Variants in CHL1 observed in about 807,000 individuals in gnomAD.
CHL1 encodes cell adhesion molecule L1 like.
Under a neutral mutation model 141.9 loss-of-function variants are expected in CHL1, and 96 were observed. That is an observed-to-expected ratio of 0.68 (90% CI 0.57 to 0.80). CHL1 has a LOEUF of 0.80. Ranked by LOEUF, CHL1 falls within the 30% of genes least tolerant of loss-of-function variation. CHL1 has a pLI of 0.00. For synonymous variants in CHL1, 613 were observed against 502.2 expected, an observed-to-expected ratio of 1.22 and a Z score of -2.95; for missense variants, 1,820 against 1,457.2, an observed-to-expected ratio of 1.25 and a Z score of -4.05.
intron 5 of CHL1, among the ~76,000 whole-genome samples, chr3:333,124 A>ACTTTTTTTTTTTTT (rs1701575441): frequency 1.2e-5 from 1 of 83,314 alleles, no homozygotes; most frequent in Admixed American, 1.9e-4. Flanking sequence ...TAATTGCTCT[A>ACTTTTTTTTTTTTT]TTTTTTTTAT....
intron 1 of CHL1, among the ~76,000 whole-genome samples, chr3:204,588 G>GT (rs769247281): frequency 2.0e-5 from 3 of 152,136 alleles, no homozygotes; most frequent in African/African-American, 4.8e-5. Flanking sequence ...TGGAAGTTCG[G>GT]TTTTTTATTG....
intron 1 of CHL1, among the ~76,000 whole-genome samples, chr3:210,235 T>A (rs1439086026): frequency 6.6e-6 from 1 of 152,250 alleles, no homozygotes; most frequent in Non-Finnish European, 1.5e-5. Flanking sequence ...TTTTTCCACT[T>A]ACCTATCACT....
Position 328,257 on chromosome 3 carries a change from C to A in CHL1, c.288C>A (p.Asn96Lys). Residue 96 changes from asparagine to lysine, a missense_variant, in exon 5 of 28, where the codon AAC (asparagine) becomes AAA (lysine). Physicochemically the swap from Asn to Lys is moderately conservative, Grantham distance 94. Coordinates refer to ENST00000256509, the MANE Select transcript of CHL1 (RefSeq NM_006614.4). ...SNNSGTFRIP[N>K]EGHISHFQGK... ...ATTCAGGAACATTCAGGATCCCAAA[C>A]GAGGGGCACATATCTCACTTTCAAG... 1 of 1,612,760 alleles carries A rather than the reference C, an allele frequency of 6.2e-7. No homozygotes were observed. Among genetic ancestry groups the A allele is most frequent in the African/African-American group, 1.3e-5 (1 of 74,964 alleles).
At chr3:396,129 A>C (rs1354515357) in intron 24 of CHL1, among the ~76,000 whole-genome samples, 1 of 152,224 alleles carries the variant, frequency 6.6e-6, no homozygotes. Flanking sequence ...TAAAACTCAC[A>C]AAGTATTCCC....
At chr3:368,346 C>T (rs765765086) in intron 15 of CHL1, among the ~76,000 whole-genome samples, 22 of 152,084 alleles carry the variant, frequency 1.4e-4, no homozygotes, top group Admixed American at 3.3e-4. Flanking sequence ...CTCTGATGAT[C>T]GGTCATGTTG....
At chr3:313,477 C>A (rs557462864) in intron 2 of CHL1, among the ~76,000 whole-genome samples, 1 of 151,822 alleles carries the variant, frequency 6.6e-6, no homozygotes, top group Non-Finnish European at 1.5e-5. Flanking sequence ...AAGGGAAAAT[C>A]GAAGCATTTA....
At chr3:351,112 A>G (rs1703217235) in intron 10 of CHL1, among the ~76,000 whole-genome samples, 1 of 152,176 alleles carries the variant, frequency 6.6e-6, no homozygotes, top group African/African-American at 2.4e-5. Flanking sequence ...GTAGCTGAAT[A>G]TTTTAACAAT....
Position 382,275 on chromosome 3 carries a change from T to A in CHL1, c.1973T>A (p.Ile658Asn), listed in dbSNP as rs748037215. ...GCTGGAGCTGACCACAACAGCAATA[T>A]TAGCGGTAGGAAGACTTGGGATAAC... ...WEAGADHNSN[I>N]SEYIVEFEGN... Residue 658 changes from isoleucine to asparagine, a missense_variant, in exon 17 of 28, where the codon ATT becomes AAT. By Grantham distance (149) the Ile-to-Asn change is moderately radical. Transcript: ENST00000256509. The A allele has an allele frequency of 3.1e-6, 5 of 1,612,946 alleles. No homozygotes were observed. In the African/African-American group the frequency reaches 5.3e-5, roughly 17 times the overall value.
At chr3:375,860 A>G (rs1359759228) in intron 15 of CHL1, among the ~76,000 whole-genome samples, 2 of 152,180 alleles carry the variant, frequency 1.3e-5, no homozygotes, top group East Asian at 3.9e-4. Context: ...CAGGTCTCCA[A>G]AGAGAGAATC....
chr3:243,758 A>G (rs1363743538), intron 1 of CHL1, among the ~76,000 whole-genome samples: 1 of 152,192 alleles, frequency 6.6e-6, no homozygotes, highest in Non-Finnish European at 1.5e-5. Flanking sequence ...ATGTAGTTTT[A>G]TAAATCTCCT....
intron 26 of CHL1, among the ~76,000 whole-genome samples, chr3:400,791 G>C (rs1709062387): frequency 6.6e-6 from 1 of 151,222 alleles, no homozygotes; most frequent in African/African-American, 2.4e-5. Flanking sequence ...GACAGAGTGA[G>C]ACTGTCTCAA....
rs3836376 is a variant in CHL1 at position 354,433 on chromosome 3, G to GCACA, written c.1034-183_1034-180dup. Among the ~76,000 whole-genome samples the GCACA allele has an allele frequency of 3.9e-3, 579 of 149,494 alleles. 5 individuals carry two copies. The highest frequency in any genetic ancestry group is 0.021 in the South Asian group (100 of 4,704). On this transcript the variant is annotated intron_variant, in intron 10 of 27. Coordinates refer to ENST00000256509, the MANE Select transcript of CHL1 (RefSeq NM_006614.4). ...CATGCTGAGTCCAAATTAAACACAA[G>GCACA]CACACACACACACACACACACACAC...
intron 14 of CHL1, chr3:363,589 A>G (rs1249147304): frequency 3.4e-5 from 15 of 442,584 alleles, no homozygotes; most frequent in African/African-American, 1.0e-4. Flanking sequence ...GCTTCATCCT[A>G]TTTTAAGAGG....
At chr3:226,638 G>T (rs923562480) in intron 1 of CHL1, among the ~76,000 whole-genome samples, 1 of 151,704 alleles carries the variant, frequency 6.6e-6, no homozygotes, top group East Asian at 1.9e-4. Context: ...GTAGAGACAG[G>T]GTTTCACCAT....
chr3:383,923 C>A, intron 19 of CHL1, 37 bp downstream of exon 19: 1 of 1,422,682 alleles, frequency 7.0e-7, no homozygotes, highest in Non-Finnish European at 9.9e-7. Flanking sequence ...TTTCTTTGTG[C>A]TTTTCTCTTC....
intron 1 of CHL1, among the ~76,000 whole-genome samples, chr3:208,290 TA>T (rs1699610810): frequency 6.6e-6 from 1 of 151,934 alleles, no homozygotes; most frequent in Non-Finnish European, 1.5e-5. Context: ...CAGCAGGCCT[TA>T]AAAACCCATT....
intron 2 of CHL1, among the ~76,000 whole-genome samples, chr3:253,385 A>G (rs184583109): frequency 1.4e-3 from 210 of 152,256 alleles, no homozygotes; most frequent in African/African-American, 4.9e-3. Flanking sequence ...GGTATCAGAG[A>G]ATTATACCAG....
intron 1 of CHL1, among the ~76,000 whole-genome samples, chr3:238,770 CAA>C (rs145162673): frequency 0.48 from 70,203 of 145,440 alleles, 19,469 homozygotes; most frequent in Non-Finnish European, 0.61. Context: ...ACTAAAAATA[CAA>C]AAAAAAAAAA....
chr3:299,186 AT>A (rs1268400213), intron 2 of CHL1, among the ~76,000 whole-genome samples: 1 of 152,232 alleles, frequency 6.6e-6, no homozygotes, highest in African/African-American at 2.4e-5. Flanking sequence ...TAATTGAAAA[AT>A]ATCATAAAGT....
Sources: allele counts gnomAD v4.1 joint callset (sites outside exome capture counted in the v4.1 genomes callset), GRCh38; gene constraint gnomAD v4.1.1; transcripts MANE v1.5; gene names NCBI Gene and HGNC (gene_info 2026-07-23, HGNC 2026-07-21).